Variants in RP1 observed in about 807,000 individuals in gnomAD.
RP1 encodes the protein RP1 axonemal microtubule associated, also known as oxygen-regulated protein 1.
A neutral mutation model predicts 14.8 loss-of-function variants in RP1; 16 were observed. The observed-to-expected ratio is 1.08, with a 90% CI of 0.73 to 1.65. The LOEUF is 1.65. Ranked by LOEUF, RP1 falls within the 40% of genes most tolerant of loss-of-function variation. The pLI is 0.00. For missense variants in RP1, 2,631 were observed against 2,535.0 expected, an observed-to-expected ratio of 1.04 and a Z score of -0.81; for synonymous variants, 876 against 883.6, an observed-to-expected ratio of 0.99 and a Z score of 0.15.
chr8:54,629,575 A>G lies in RP1; in HGVS notation c.5693A>G (p.His1898Arg). 1 of 1,614,042 alleles carries G rather than the reference A, an allele frequency of 6.2e-7. No individual in the cohort carries two copies. Among genetic ancestry groups the G allele is most frequent in the Non-Finnish European group, 8.5e-7 (1 of 1,180,006 alleles). The change falls in exon 4 of 4, where the codon CAT becomes CGT. Residue 1898 changes from histidine to arginine, a missense_variant. Physicochemically the swap from His to Arg is conservative, Grantham distance 29. Coordinates refer to ENST00000220676, the MANE Select transcript of RP1 (RefSeq NM_006269.2). The part of the protein sequence containing the change: ...NQPLPGSNMI[H>R]GTLQEADSLD... Reference sequence around the variant, plus strand: ...CCATTGCCTGGCAGTAATATGATTCATGGTACACTTCAGGAAGCTGACTCT... The same window carrying G: ...CCATTGCCTGGCAGTAATATGATTCGTGGTACACTTCAGGAAGCTGACTCT...
At chr8:54,739,660 T>C (rs1809022821) in intron 19 of RP1, among the ~76,000 whole-genome samples, 1 of 152,096 alleles carries the variant, frequency 6.6e-6, no homozygotes, top group Admixed American at 6.6e-5. Context: ...TATGAATCTC[T>C]TTCATGGTTC....
At chr8:54,680,724 C>T (rs921472245) in intron 12 of RP1, among the ~76,000 whole-genome samples, 4 of 151,988 alleles carry the variant, frequency 2.6e-5, no homozygotes, top group African/African-American at 9.7e-5. Flanking sequence ...TTTGGGAGGC[C>T]GAGGTGGGCG....
At chr8:54,848,871 C>A (rs1212944781) in intron 25 of RP1, among the ~76,000 whole-genome samples, 1 of 152,164 alleles carries the variant, frequency 6.6e-6, no homozygotes, top group African/African-American at 2.4e-5. Flanking sequence ...ACCTCAGCCT[C>A]CCGAGTAGCT....
chr8:54,609,954 C>G (rs2129309441), intron 1 of RP1, among the ~76,000 whole-genome samples: 1 of 152,324 alleles, frequency 6.6e-6, no homozygotes, highest in South Asian at 2.1e-4. Flanking sequence ...CATATTACAC[C>G]TCAAACTGTG....
downstream of RP1, among the ~76,000 whole-genome samples, chr8:54,773,791 A>T (rs1447394876): frequency 6.6e-6 from 1 of 152,218 alleles, no homozygotes; most frequent in African/African-American, 2.4e-5. Context: ...TTAATGACTC[A>T]GCTTCCTACA....
rs976271952 is a variant in RP1, at chr8:54,852,717, C to A, written c.3979C>A (p.Gln1327Lys). The change falls in exon 26 of 29, where the codon CAG (glutamine) becomes AAG (lysine). Residue 1327 changes from glutamine to lysine, a missense_variant. Gln to Lys is a moderately conservative substitution (Grantham distance 53). Coordinates refer to the RP1 transcript ENST00000637698. ...GTCCAAAAACAATGAAATCAAGTTTCAGCGTGGACAGGTAATAGAAACAGG... is the reference window on the plus strand; with the variant it reads ...GTCCAAAAACAATGAAATCAAGTTTAAGCGTGGACAGGTAATAGAAACAGG... The A allele has an allele frequency of 1.8e-5, 22 of 1,231,868 alleles. No homozygotes were observed. The African/African-American group carries it at 3.0e-4, about 17-fold the overall frequency. The allele number at this position is 1,231,868 out of a possible 1,614,324, so 76.3% of individuals were successfully genotyped here. A position where few individuals can be genotyped will look rare whatever the true frequency, so the allele number is the denominator to read the frequency against.
intron 16 of RP1, chr8:54,720,426 T>C: frequency 2.2e-6 from 2 of 921,888 alleles, no homozygotes; most frequent in Non-Finnish European, 3.1e-6. Context: ...TTTTTGTTTG[T>C]TGTCATTCCA....
At chr8:54,567,695 C>A (rs932219679) in intron 1 of RP1, among the ~76,000 whole-genome samples, 5 of 151,994 alleles carry the variant, frequency 3.3e-5, no homozygotes, top group Admixed American at 2.0e-4. Flanking sequence ...GATTTGAGAC[C>A]ATGTAACAAA....
intron 1 of RP1, among the ~76,000 whole-genome samples, chr8:54,574,037 G>A (rs537786195): frequency 7.9e-5 from 12 of 152,216 alleles, no homozygotes; most frequent in African/African-American, 2.6e-4. Flanking sequence ...AGAATAAGAC[G>A]AACACAAAGA....
At chr8:54,694,691 C>A (rs1807811488) in intron 12 of RP1, among the ~76,000 whole-genome samples, 1 of 151,976 alleles carries the variant, frequency 6.6e-6, no homozygotes, top group Non-Finnish European at 1.5e-5. Flanking sequence ...TTTATTGCAT[C>A]TATTTGATTC....
intron 7 of RP1, among the ~76,000 whole-genome samples, chr8:54,673,428 G>C (rs1441275452): frequency 6.6e-6 from 1 of 152,100 alleles, no homozygotes; most frequent in Non-Finnish European, 1.5e-5. Flanking sequence ...CCTTTTAATT[G>C]TAAATTAATT....
intron 19 of RP1, among the ~76,000 whole-genome samples, chr8:54,746,312 T>G (rs1311429623): frequency 6.6e-6 from 1 of 152,214 alleles, no homozygotes; most frequent in African/African-American, 2.4e-5. Context: ...ACTCTGGTAC[T>G]TTGGGGCTTT....
intron 5 of RP1, among the ~76,000 whole-genome samples, chr8:54,655,136 T>A (rs1806729149): frequency 6.6e-6 from 1 of 152,218 alleles, no homozygotes; most frequent in South Asian, 2.1e-4. Context: ...AAATGAAACA[T>A]CTGAATCCAT....
At chr8:54,771,855 T>C (rs1216946581), downstream of RP1, among the ~76,000 whole-genome samples, 2 of 152,102 alleles carry the variant, frequency 1.3e-5, no homozygotes, top group Non-Finnish European at 2.9e-5. Context: ...CAGTGTTACA[T>C]TGTGGTTAAG....
chr8:54,755,482 A>G (rs1407350421), intron 20 of RP1: 2 of 826,536 alleles, frequency 2.4e-6, no homozygotes, highest in East Asian at 5.6e-5. Context: ...TAGACACAGA[A>G]AATCCAGATT....
chr8:54,575,679 T>A (rs774405382), intron 1 of RP1, among the ~76,000 whole-genome samples: 1 of 152,226 alleles, frequency 6.6e-6, no homozygotes, highest in East Asian at 1.9e-4. Flanking sequence ...ATGTGCTGGT[T>A]TGTTATATAG....
chr8:54,825,410 G>A (rs144507292), intron 24 of RP1, among the ~76,000 whole-genome samples: 87 of 152,282 alleles, frequency 5.7e-4, no homozygotes, highest in African/African-American at 1.9e-3. Context: ...TCTTGGGCAC[G>A]TATTATTGTG....
intron 12 of RP1, among the ~76,000 whole-genome samples, chr8:54,694,689 A>G (rs1398223031): frequency 1.3e-5 from 2 of 151,658 alleles, no homozygotes; most frequent in East Asian, 3.9e-4. Context: ...TTTTTATTGC[A>G]TCTATTTGAT....
Position 54,638,880 on chromosome 8 carries a change from T to TTCTCTCTCTC in RP1, c.788-10086_788-10077dup, listed in dbSNP as rs56712955. Reference sequence around the variant, plus strand: ...AATAATTCCTTAATTTTTAATTTTCTTCTCTCTCTCTCTCTCTCTCTCTCT... The same window carrying TTCTCTCTCTC: ...AATAATTCCTTAATTTTTAATTTTCTTCTCTCTCTCTCTCTCTCTCTCTCTCTCTCTCTCT... On this transcript the variant is annotated intron_variant, in intron 3 of 22. Coordinates refer to the RP1 transcript ENST00000636932. Among the ~76,000 whole-genome samples, 195 of 120,290 alleles carry TTCTCTCTCTC rather than the reference T, an allele frequency of 1.6e-3. 1 individual carries two copies. The highest frequency in any genetic ancestry group is 6.5e-3 in the African/African-American group (189 of 28,918). The allele number at this position is 120,290 out of a possible 152,430, so 78.9% of individuals were successfully genotyped here. A position where few individuals can be genotyped will look rare whatever the true frequency, so the allele number is the denominator to read the frequency against.
Sources: allele counts gnomAD v4.1 joint callset (sites outside exome capture counted in the v4.1 genomes callset), GRCh38; gene constraint gnomAD v4.1.1; transcripts MANE v1.5; gene names NCBI Gene and HGNC (gene_info 2026-07-23, HGNC 2026-07-21).